RASGRF2: variants seen among roughly 807,000 people sequenced by gnomAD.
RASGRF2 encodes the protein Ras protein specific guanine nucleotide releasing factor 2, also known as ras-specific guanine nucleotide-releasing factor 2.
In RASGRF2, 76 loss-of-function variants were observed where a neutral mutation model predicts 151.0. The observed-to-expected ratio is 0.50, with a 90% CI of 0.42 to 0.61. RASGRF2 has a LOEUF of 0.61. RASGRF2 is among the 20% of genes least tolerant of loss of function. The pLI, the probability that RASGRF2 is intolerant of heterozygous loss-of-function variation, is 0.00. For missense variants in RASGRF2, 1,148 were observed against 1,564.6 expected, an observed-to-expected ratio of 0.73 and a Z score of 4.49; for synonymous variants, 504 against 566.5, an observed-to-expected ratio of 0.89 and a Z score of 1.57.
chr5:81,093,765 C>A (rs550821130), intron 10 of RASGRF2, among the ~76,000 whole-genome samples: 17 of 152,182 alleles, frequency 1.1e-4, no homozygotes, highest in Non-Finnish European at 2.2e-4. Context: ...CACAGCCATG[C>A]GCATGTCTTT....
At chr5:81,095,380 G>A (rs976157248) in intron 12 of RASGRF2, among the ~76,000 whole-genome samples, 2 of 152,146 alleles carry the variant, frequency 1.3e-5, no homozygotes, top group Non-Finnish European at 2.9e-5. Context: ...AGCCAACATA[G>A]GGCTATGGCA....
At chr5:81,004,436 G>A (rs543063589) in intron 1 of RASGRF2, among the ~76,000 whole-genome samples, 19 of 152,246 alleles carry the variant, frequency 1.2e-4, no homozygotes, top group South Asian at 4.2e-4. Context: ...ATGAGTTCAC[G>A]GACTTCGTGG....
chr5:81,003,218 C>CTT lies in RASGRF2; in HGVS notation c.289-39638_289-39637dup, dbSNP rs1271321430. ...TATGGATGCATGCCACCACACCTGG[C>CTT]TTTTTTTTTTTTTTTTTTTTTTGAG... On this transcript the variant is annotated intron_variant, in intron 1 of 26. Transcript: ENST00000265080. Among the ~76,000 whole-genome samples the CTT allele has an allele frequency of 9.2e-3, 896 of 97,782 alleles. 42 individuals carry two copies. Among genetic ancestry groups the CTT allele is most frequent in the Non-Finnish European group, 0.013 (659 of 50,026 alleles). The allele number at this position is 97,782 out of a possible 152,430, so 64.1% of individuals were successfully genotyped here. A position where few individuals can be genotyped will look rare whatever the true frequency, so the allele number is the denominator to read the frequency against.
intron 23 of RASGRF2, among the ~76,000 whole-genome samples, chr5:81,213,139 G>A (rs1261832375): frequency 1.3e-5 from 2 of 152,146 alleles, no homozygotes; most frequent in Admixed American, 1.3e-4. Flanking sequence ...TTCTCCCTGG[G>A]TGTTGGGTGC....
chr5:81,091,275 C>G (rs887376124), intron 9 of RASGRF2, among the ~76,000 whole-genome samples: 1 of 152,180 alleles, frequency 6.6e-6, no homozygotes, highest in African/African-American at 2.4e-5. Flanking sequence ...ACTTCTGCCT[C>G]CTGCTTTCCC....
chr5:81,101,123 C>T (rs533448035), intron 12 of RASGRF2, among the ~76,000 whole-genome samples: 16 of 152,158 alleles, frequency 1.1e-4, no homozygotes, highest in Non-Finnish European at 2.1e-4. Context: ...TTTTGTTATC[C>T]TGTTAATTTC....
chr5:81,119,528 T>C (rs1753248015), intron 15 of RASGRF2, among the ~76,000 whole-genome samples: 1 of 152,224 alleles, frequency 6.6e-6, no homozygotes, highest in Non-Finnish European at 1.5e-5. Flanking sequence ...TTAGGGGACA[T>C]ATCAAATCAT....
At chr5:81,030,690 A>G (rs1750207916) in intron 1 of RASGRF2, among the ~76,000 whole-genome samples, 2 of 152,354 alleles carry the variant, frequency 1.3e-5, no homozygotes, top group Admixed American at 1.3e-4. Flanking sequence ...CAGCCACTGC[A>G]AAAACAGGCC....
chr5:81,017,438 T>C (rs1749674288), intron 1 of RASGRF2, among the ~76,000 whole-genome samples: 1 of 152,204 alleles, frequency 6.6e-6, no homozygotes. Context: ...CTGGTATGAA[T>C]AAAAGTTGGC....
chr5:81,076,631 T>C (rs891413843), intron 5 of RASGRF2, among the ~76,000 whole-genome samples: 12 of 142,152 alleles, frequency 8.4e-5, no homozygotes, highest in Non-Finnish European at 1.4e-4. Context: ...GAAAGAGGTG[T>C]GGAATAGTGA....
chr5:81,087,019 C>T (rs1752251825), intron 9 of RASGRF2, 66 bp downstream of exon 9: 2 of 1,406,928 alleles, frequency 1.4e-6, no homozygotes, highest in Non-Finnish European at 2.0e-6. Context: ...TCTCGGCACA[C>T]CCCGGAAGGC....
intron 17 of RASGRF2, among the ~76,000 whole-genome samples, chr5:81,139,055 ATCT>A (rs994754896): frequency 6.6e-6 from 1 of 152,172 alleles, no homozygotes; most frequent in African/African-American, 2.4e-5. Context: ...ATTTACTGAG[ATCT>A]TCTCTCACTT....
intron 24 of RASGRF2, chr5:81,216,985 A>C (rs534357826): frequency 4.4e-6 from 2 of 458,662 alleles, no homozygotes; most frequent in East Asian, 1.4e-4. Flanking sequence ...TGAATACTTG[A>C]TTTAAAGAGG....
At chr5:81,000,373 T>TC (rs1749040036) in intron 1 of RASGRF2, among the ~76,000 whole-genome samples, 1 of 152,138 alleles carries the variant, frequency 6.6e-6, no homozygotes, top group Non-Finnish European at 1.5e-5. Flanking sequence ...TCCTGAGTAG[T>TC]TAGGATTACA....
At position 80,961,033 on chromosome 5, in the gene RASGRF2, C is replaced by T; in HGVS notation, c.288+7C>T. ...AGACGCGCTGGACAAGCAGGTACCG[C>T]GCGCCTTCTCTCCGCGGTCTCCCAG... On this transcript the variant is annotated splice_region_variant and intron_variant, in intron 1 of 26. Transcript: ENST00000265080. The T allele has an allele frequency of 2.1e-6, 3 of 1,451,230 alleles. No individual in the cohort carries two copies. Among genetic ancestry groups the T allele is most frequent in the Non-Finnish European group, 2.7e-6 (3 of 1,096,350 alleles). The allele number at this position is 1,451,230 out of a possible 1,614,324, so 89.9% of individuals were successfully genotyped here.
chr5:81,113,449 A>G (rs1753058058), intron 14 of RASGRF2, 89 bp from the exon 15 acceptor site: 4 of 1,412,876 alleles, frequency 2.8e-6, no homozygotes, highest in Non-Finnish European at 3.9e-6. Flanking sequence ...ATTGTGACCT[A>G]TAAATGAAGG....
chr5:81,190,219 C>T (rs1755127063), intron 18 of RASGRF2, among the ~76,000 whole-genome samples: 1 of 152,226 alleles, frequency 6.6e-6, no homozygotes, highest in South Asian at 2.1e-4. Flanking sequence ...CCAGCAACTT[C>T]AGTTCCTTTT....
chr5:81,069,206 T>C (rs965959531), intron 3 of RASGRF2, among the ~76,000 whole-genome samples: 1 of 152,188 alleles, frequency 6.6e-6, no homozygotes, highest in Non-Finnish European at 1.5e-5. Context: ...ACACATCACC[T>C]CCGGTGTTGA....
intron 1 of RASGRF2, among the ~76,000 whole-genome samples, chr5:81,024,440 A>G (rs1000871374): frequency 6.6e-6 from 1 of 151,172 alleles, no homozygotes; most frequent in Non-Finnish European, 1.5e-5. Flanking sequence ...TTGTATTTTT[A>G]GTAGAGATGG....
Sources: gnomAD v4.1 joint callset for allele counts (sites outside exome capture counted in the v4.1 genomes callset) on GRCh38, gnomAD v4.1.1 for gene constraint, MANE v1.5 for transcripts, NCBI Gene and HGNC (gene_info 2026-07-23, HGNC 2026-07-21) for gene names.